Variants in TRERF1 observed in about 807,000 individuals in gnomAD.
TRERF1 encodes the protein transcriptional-regulating factor 1.
A neutral mutation model predicts 122.9 loss-of-function variants in TRERF1; 27 were observed. The observed-to-expected ratio is 0.22, with a 90% CI of 0.16 to 0.30. TRERF1 has a LOEUF of 0.30. Among genes scored for constraint, TRERF1 ranks in the 10% least tolerant of loss-of-function variants. The pLI, the probability that TRERF1 is intolerant of heterozygous loss-of-function variation, is 1.00. For missense variants in TRERF1, 1,248 were observed against 1,560.3 expected (o/e 0.80, Z 3.37); for synonymous variants, 636 against 641.7 (o/e 0.99, Z 0.13).
At chr6:42,245,969 G>A (rs944360617) in intron 14 of TRERF1, among the ~76,000 whole-genome samples, 3 of 152,208 alleles carry the variant, frequency 2.0e-5, no homozygotes, top group Non-Finnish European at 4.4e-5. Flanking sequence ...TTAGCCGGGC[G>A]TGGTGGTGCA....
At chr6:42,420,843 G>A in intron 2 of TRERF1, among the ~76,000 whole-genome samples, 1 of 151,976 alleles carries the variant, frequency 6.6e-6, no homozygotes, top group Non-Finnish European at 1.5e-5. Context: ...TCCCACTGAG[G>A]TAGAAGAAGG....
chr6:42,269,026 G>A lies in TRERF1; in HGVS notation c.565C>T (p.Pro189Ser). ...ATAGCCGGTGCTGGGGGCTCCATGGGCTTCTGAGACAGCAGCTGGCGGAGA... is the reference window on the plus strand; with the variant it reads ...ATAGCCGGTGCTGGGGGCTCCATGGACTTCTGAGACAGCAGCTGGCGGAGA... Residue 189 changes from proline (P) to serine (S), a missense_variant, in exon 5 of 18, where the codon CCC (proline) becomes TCC (serine). Pro to Ser is a moderately conservative substitution (Grantham distance 74). Transcript: ENST00000372922. The surrounding 1 kb of genome is among the most constrained non-coding windows in gnomAD (Gnocchi z 4.9). The A allele has an allele frequency of 3.1e-6, 5 of 1,614,086 alleles. No homozygotes were observed. The highest frequency in any genetic ancestry group is 4.2e-6 in the Non-Finnish European group (5 of 1,179,978).
chr6:42,290,741 C>CTTTTTTTTTTTTT lies in TRERF1; in HGVS notation c.-259+9884_-259+9896dup, dbSNP rs144168592. Among the ~76,000 whole-genome samples, 4 of 92,414 alleles carry CTTTTTTTTTTTTT rather than the reference C, an allele frequency of 4.3e-5. 1 individual carries two copies. The highest frequency in any genetic ancestry group is 4.5e-5 in the African/African-American group (1 of 22,024). The allele number at this position is 92,414 out of a possible 152,430, so 60.6% of individuals were successfully genotyped here. A position where few individuals can be genotyped will look rare whatever the true frequency, so the allele number is the denominator to read the frequency against. ...ATTTATCCTTTTTTCCATTTCTTTC[C>CTTTTTTTTTTTTT]TTTTTTTTTTTTTTTTTTTTTTTGA... On this transcript the variant is annotated intron_variant, in intron 4 of 17. Transcript: ENST00000372922.
At chr6:42,318,595 G>C (rs1419043662) in intron 3 of TRERF1, among the ~76,000 whole-genome samples, 1 of 152,232 alleles carries the variant, frequency 6.6e-6, no homozygotes, top group African/African-American at 2.4e-5. Context: ...ACAACTGAAA[G>C]GCTCCAGAAT....
chr6:42,432,834 C>T (rs1288171149), intron 2 of TRERF1, among the ~76,000 whole-genome samples: 1 of 106,886 alleles, frequency 9.4e-6, no homozygotes, highest in African/African-American at 3.6e-5. Flanking sequence ...CAAAGTGAGA[C>T]TCTGTCTCAA....
chr6:42,405,371 TC>T (rs1780013844), intron 2 of TRERF1, among the ~76,000 whole-genome samples: 1 of 152,158 alleles, frequency 6.6e-6, no homozygotes, highest in Non-Finnish European at 1.5e-5. Flanking sequence ...TCTCTAGGCC[TC>T]CATTTCCTTA....
In TRERF1 at chr6:42,263,605, A is replaced by G; in HGVS notation, c.1636-37T>C. 6.9e-7 allele frequency: 1 copy of G among 1,459,178 alleles called. No individual in the cohort carries two copies. The highest frequency in any genetic ancestry group is 9.1e-7 in the Non-Finnish European group (1 of 1,101,114). The allele number at this position is 1,459,178 out of a possible 1,614,324, so 90.4% of individuals were successfully genotyped here. A position where few individuals can be genotyped will look rare whatever the true frequency, so the allele number is the denominator to read the frequency against. ...ATAAAGGCTTTGATCCTGGGCTGAGAGCAGCTCTCACAAGGGGGATGCACT... is the reference window on the plus strand; with the variant it reads ...ATAAAGGCTTTGATCCTGGGCTGAGGGCAGCTCTCACAAGGGGGATGCACT... On this transcript the variant is annotated intron_variant, in intron 7 of 17. Transcript: ENST00000372922. This position sits in a 1 kb window ranked among gnomAD's most constrained non-coding sequence, Gnocchi z 5.6.
chr6:42,246,336 G>A (rs1774798015), intron 14 of TRERF1, 120 bp downstream of exon 14: 5 of 780,126 alleles, frequency 6.4e-6, no homozygotes, highest in Admixed American at 2.4e-5. Context: ...CCTCACCAGC[G>A]AGTGTGGAAG....
intron 15 of TRERF1, among the ~76,000 whole-genome samples, 156 bp from the exon 16 acceptor site, chr6:42,236,567 C>T (rs1212792529): frequency 5.9e-5 from 9 of 152,160 alleles, no homozygotes; most frequent in Non-Finnish European, 4.4e-5. Context: ...GCCTGTTAGG[C>T]GTGATCCTCA....
At chr6:42,255,555 TG>T (rs1169230969) in intron 12 of TRERF1, among the ~76,000 whole-genome samples, 1 of 152,160 alleles carries the variant, frequency 6.6e-6, no homozygotes, top group Non-Finnish European at 1.5e-5. Flanking sequence ...AGGCAGAACC[TG>T]GGCCCTACTC....
At chr6:42,253,147 G>A (rs1326333987) in intron 13 of TRERF1, among the ~76,000 whole-genome samples, 1 of 152,118 alleles carries the variant, frequency 6.6e-6, no homozygotes, top group African/African-American at 2.4e-5. Flanking sequence ...GGTGTGTGGC[G>A]CTCCTAGTAC....
chr6:42,395,514 T>C (rs1204813865), intron 2 of TRERF1, among the ~76,000 whole-genome samples: 2 of 152,142 alleles, frequency 1.3e-5, no homozygotes, highest in Non-Finnish European at 2.9e-5. Flanking sequence ...CGGAGAGATT[T>C]TGCCCACTCG....
At chr6:42,318,709 T>C (rs1375824627) in intron 3 of TRERF1, among the ~76,000 whole-genome samples, 2 of 152,246 alleles carry the variant, frequency 1.3e-5, no homozygotes, top group South Asian at 2.1e-4. Flanking sequence ...ATTTCAGTAT[T>C]ATCTATGGCT....
intron 2 of TRERF1, among the ~76,000 whole-genome samples, chr6:42,415,150 G>A (rs1781647245): frequency 6.6e-6 from 1 of 152,086 alleles, no homozygotes; most frequent in African/African-American, 2.4e-5. Context: ...TATTATAAGA[G>A]GGTTGTGGGT....
intron 2 of TRERF1, among the ~76,000 whole-genome samples, chr6:42,418,266 C>CTTT (rs60655151): frequency 2.4e-4 from 9 of 37,020 alleles, no homozygotes; most frequent in Admixed American, 5.0e-4. Context: ...TTCTTTCTTT[C>CTTT]TTTTTTTTTT....
intron 4 of TRERF1, among the ~76,000 whole-genome samples, chr6:42,300,197 A>T (rs193120008): frequency 8.5e-4 from 130 of 152,330 alleles, no homozygotes; most frequent in Middle Eastern, 6.8e-3. Flanking sequence ...CACTGGCTGG[A>T]AACTGGCCTG....
intron 2 of TRERF1, among the ~76,000 whole-genome samples, chr6:42,422,476 C>G (rs929532512): frequency 5.4e-5 from 8 of 148,526 alleles, no homozygotes; most frequent in Admixed American, 1.3e-4. Context: ...CGAGATCGTG[C>G]CTGGGCAACA....
intron 2 of TRERF1, among the ~76,000 whole-genome samples, chr6:42,424,756 G>T (rs1486982382): frequency 6.6e-6 from 1 of 152,132 alleles, no homozygotes; most frequent in African/African-American, 2.4e-5. Context: ...TGTATTCCCT[G>T]GTTACTAATG....
At chr6:42,334,380 A>C (rs1479006918) in intron 3 of TRERF1, among the ~76,000 whole-genome samples, 1 of 152,228 alleles carries the variant, frequency 6.6e-6, no homozygotes, top group African/African-American at 2.4e-5. Context: ...AAGCAACTGA[A>C]GTCCCAACTC....
Sources: allele counts gnomAD v4.1 joint callset (sites outside exome capture counted in the v4.1 genomes callset), GRCh38; gene constraint gnomAD v4.1.1; non-coding constraint Gnocchi (gnomAD v3.1); transcripts MANE v1.5; gene names NCBI Gene and HGNC (gene_info 2026-07-23, HGNC 2026-07-21).